PMPCB: variants seen among roughly 807,000 people sequenced by gnomAD.
PMPCB encodes the protein peptidase, mitochondrial processing subunit beta.
PMPCB carries 46 observed loss-of-function variants against 61.5 expected under a neutral mutation model. That is an observed-to-expected ratio of 0.75 (90% confidence interval 0.59 to 0.96). PMPCB has a LOEUF of 0.96. Ranked by LOEUF, PMPCB falls within the 40% of genes least tolerant of loss-of-function variation. The pLI, the probability that PMPCB is intolerant of heterozygous loss-of-function variation, is 0.00. For synonymous variants in PMPCB, 191 were observed against 201.6 expected (o/e 0.95, Z 0.44); for missense variants, 590 against 602.4 (o/e 0.98, Z 0.22).
chr7:103,304,461 G>C lies in PMPCB; in HGVS notation c.707G>C (p.Gly236Ala). Residue 236 changes from glycine to alanine, a missense_variant, in exon 6 of 13, where the codon GGG becomes GCG. Gly to Ala is a moderately conservative substitution (Grantham distance 60). Coordinates refer to ENST00000249269, the MANE Select transcript of PMPCB (RefSeq NM_004279.3). ...GATTATATAACCACACATTATAAGG[G>C]GCCAAGAATAGTGCTTGCTGCTGCT... The part of the protein sequence containing the change: ...LVDYITTHYK[G>A]PRIVLAAAGG... The C allele has an allele frequency of 6.2e-7, 1 of 1,607,206 alleles. No homozygotes were observed. The highest frequency in any genetic ancestry group is 8.5e-7 in the Non-Finnish European group (1 of 1,173,788).
rs200262738 is a variant in PMPCB at position 103,297,508 on chromosome 7, C to G, written c.49C>G (p.Arg17Gly). Residue 17 changes from arginine (R) to glycine (G), a missense_variant, in exon 1 of 13, where the codon CGG becomes GGG. Arg to Gly is a moderately radical substitution (Grantham distance 125). Transcript: ENST00000249269. The part of the protein sequence containing the change: ...RVVLSSAARR[R>G]LWGFSESLLI... Reference sequence around the variant, plus strand: ...GGTGTTGTCATCCGCGGCGCGGCGGCGGCTCTGGGGTTTCAGCGAGAGTCT... The same window carrying G: ...GGTGTTGTCATCCGCGGCGCGGCGGGGGCTCTGGGGTTTCAGCGAGAGTCT... 1.3e-6 allele frequency: 2 copies of G among 1,583,690 alleles called. No homozygotes were observed. Among genetic ancestry groups the G allele is most frequent in the Admixed American group, 3.6e-5 (2 of 55,612 alleles).
chr7:103,310,192 A>T (rs1424442975), intron 8 of PMPCB, 123 bp from the exon 9 acceptor site: 6 of 694,608 alleles, frequency 8.6e-6, no homozygotes, highest in South Asian at 1.7e-5. Flanking sequence ...TACTACTGAG[A>T]TGTTGAATAA....
chr7:103,310,652 T>C, intron 9 of PMPCB, 177 bp downstream of exon 9: 1 of 438,754 alleles, frequency 2.3e-6, no homozygotes. Context: ...TCTCAAGATG[T>C]GAAGCTGATT....
In PMPCB at chr7:103,313,262, A is replaced by G. The variant is rs1239518258; in HGVS notation, c.*991A>G. The G allele has an allele frequency of 1.5e-6, 2 of 1,350,774 alleles. No homozygotes were observed. Among genetic ancestry groups the G allele is most frequent in the Admixed American group, 3.5e-5 (1 of 28,560 alleles). 83.7% of individuals were successfully genotyped at this position (1,350,774 alleles called of 1,614,324 possible). On this transcript the variant is annotated 3_prime_UTR_variant, in exon 13 of 13. Coordinates refer to ENST00000249269, the MANE Select transcript of PMPCB (RefSeq NM_004279.3). ...AGATACATATAGCCCTCTGAGTGTT[A>G]ATAAGAGAAAAAATTTCAGATAGCT...
At chr7:103,297,840 T>C in intron 1 of PMPCB, 1 of 1,500,092 alleles carries the variant, frequency 6.7e-7, no homozygotes, top group Non-Finnish European at 8.9e-7. Flanking sequence ...AACGTAGTGC[T>C]TGCAAATTGG....
intron 3 of PMPCB, among the ~76,000 whole-genome samples, chr7:103,299,840 C>G (rs896442356): frequency 2.0e-5 from 3 of 152,116 alleles, no homozygotes; most frequent in African/African-American, 7.2e-5. Flanking sequence ...ACGCAATCTG[C>G]TTACTGCAAC....
At position 103,312,234 on chromosome 7, in the gene PMPCB, A is replaced by T; in HGVS notation, c.1433A>T (p.Lys478Ile). Reference sequence around the variant, plus strand: ...CCCATTAAGCAACTACCAGATTTTAAACAGATACGCAGTAACATGTGTTGG... The same window carrying T: ...CCCATTAAGCAACTACCAGATTTTATACAGATACGCAGTAACATGTGTTGG... ...VGPIKQLPDF[K>I]QIRSNMCWLR... Residue 478 changes from lysine (K) to isoleucine (I), a missense_variant, in exon 13 of 13, where the codon AAA (lysine) becomes ATA (isoleucine). Transcript: ENST00000249269. 6.2e-7 allele frequency: 1 copy of T among 1,613,144 alleles called. No individual in the cohort carries two copies. Among genetic ancestry groups the T allele is most frequent in the Non-Finnish European group, 8.5e-7 (1 of 1,179,926 alleles).
the PMPCB span, among the ~76,000 whole-genome samples, chr7:103,338,319 C>T: frequency 1.4e-3 from 201 of 146,052 alleles, 1 homozygote; most frequent in East Asian, 0.032. Flanking sequence ...TTTTTTGAGA[C>T]GGAGTCTTGC....
chr7:103,300,058 T>C (rs1817406672), intron 3 of PMPCB, 120 bp from the exon 4 acceptor site: 5 of 939,746 alleles, frequency 5.3e-6, no homozygotes, highest in Non-Finnish European at 8.0e-6. Context: ...TGATGTACTT[T>C]AGAAACCAAA....
chr7:103,312,938 G>A lies in PMPCB; in HGVS notation c.*667G>A. The A allele has an allele frequency of 6.2e-7, 1 of 1,604,404 alleles. No individual in the cohort carries two copies. The highest frequency in any genetic ancestry group is 8.5e-7 in the Non-Finnish European group (1 of 1,177,674). ...AATACAACAATCTATAAACGCTTAAGTCTGCAACCTTGTATCGTTTCATGC... is the reference window on the plus strand; with the variant it reads ...AATACAACAATCTATAAACGCTTAAATCTGCAACCTTGTATCGTTTCATGC... On this transcript the variant is annotated 3_prime_UTR_variant, in exon 13 of 13. Coordinates refer to ENST00000249269, the MANE Select transcript of PMPCB (RefSeq NM_004279.3).
intron 4 of PMPCB, among the ~76,000 whole-genome samples, chr7:103,303,209 C>T (rs925300584): frequency 1.3e-5 from 2 of 152,190 alleles, no homozygotes; most frequent in Non-Finnish European, 2.9e-5. Flanking sequence ...CTTTGCCTCC[C>T]GAGCTCCACC....
chr7:103,318,563 C>T (rs900600413), downstream of PMPCB, among the ~76,000 whole-genome samples: 3 of 152,122 alleles, frequency 2.0e-5, no homozygotes, highest in African/African-American at 7.2e-5. Flanking sequence ...CCTTAAGGTT[C>T]TTCTCAGGTT....
In PMPCB at chr7:103,312,853, A is replaced by G. The variant is rs1473866192; in HGVS notation, c.*582A>G. ...AACTACTGGTTTTGAAATAAGCACTATATTATTAACCACTTAATAGACATA... is the reference window on the plus strand; with the variant it reads ...AACTACTGGTTTTGAAATAAGCACTGTATTATTAACCACTTAATAGACATA... On this transcript the variant is annotated 3_prime_UTR_variant, in exon 13 of 13. Coordinates refer to ENST00000249269, the MANE Select transcript of PMPCB (RefSeq NM_004279.3). 7 of 1,534,580 alleles carry G rather than the reference A, an allele frequency of 4.6e-6. No individual in the cohort carries two copies. The Admixed American group carries it at 1.3e-4, about 29-fold the overall frequency.
intron 2 of PMPCB, 45 bp downstream of exon 2, chr7:103,298,753 G>A (rs750942524): frequency 9.6e-6 from 15 of 1,565,518 alleles, no homozygotes; most frequent in African/African-American, 9.6e-5. Flanking sequence ...TTCATTTAGC[G>A]TAGCAAATTG....
downstream of PMPCB, among the ~76,000 whole-genome samples, chr7:103,330,136 C>A (rs1255490275): frequency 6.6e-6 from 1 of 152,202 alleles, no homozygotes; most frequent in East Asian, 1.9e-4. Flanking sequence ...TATGTGCTTT[C>A]ACTACCTACT....
downstream of PMPCB, chr7:103,317,073 T>G (rs188107492): frequency 3.7e-5 from 54 of 1,447,346 alleles, no homozygotes; most frequent in East Asian, 1.2e-3. Context: ...TTCTACACTC[T>G]CTTCCTGGCT....
intron 3 of PMPCB, 82 bp downstream of exon 3, chr7:103,299,611 C>A: frequency 1.3e-6 from 1 of 746,048 alleles, no homozygotes; most frequent in Non-Finnish European, 2.3e-6. Flanking sequence ...GCAGGGAGAG[C>A]TCTTTCAGTA....
At chr7:103,297,858 T>A in intron 1 of PMPCB, 1 of 1,471,812 alleles carries the variant, frequency 6.8e-7, no homozygotes, top group Non-Finnish European at 9.0e-7. Context: ...TGGGGAAAAC[T>A]AAAAAGTGAA....
chr7:103,338,984 G>C, the PMPCB span, among the ~76,000 whole-genome samples: 1 of 152,078 alleles, frequency 6.6e-6, no homozygotes, highest in Non-Finnish European at 1.5e-5. Context: ...TTGATGATTT[G>C]TATGCACAAA....
Sources: allele counts gnomAD v4.1 joint callset (sites outside exome capture counted in the v4.1 genomes callset), GRCh38; gene constraint gnomAD v4.1.1; transcripts MANE v1.5; gene names NCBI Gene and HGNC (gene_info 2026-07-23, HGNC 2026-07-21).